TAGAP: variants seen among roughly 807,000 people sequenced by gnomAD.
The protein encoded by TAGAP is T cell activation RhoGTPase activating protein.
A neutral mutation model predicts 36.0 loss-of-function variants in TAGAP; 16 were observed. The ratio of observed to expected loss-of-function variants is 0.44; its 90% confidence interval spans 0.30 to 0.68. The LOEUF (loss-of-function observed/expected upper bound fraction) is 0.68. Ranked by LOEUF, TAGAP falls within the 30% of genes least tolerant of loss-of-function variation. The pLI is 0.09. For missense variants in TAGAP, 794 were observed against 921.5 expected (o/e 0.86, Z 1.79); for synonymous variants, 372 against 377.4 (o/e 0.99, Z 0.17).
Position 159,034,992 on chromosome 6 carries a change from T to C in TAGAP, c.*835A>G, listed in dbSNP as rs746045087. The C allele has an allele frequency of 2.3e-4, 35 of 152,456 alleles. No individual in the cohort carries two copies. Among genetic ancestry groups the C allele is most frequent in the African/African-American group, 7.7e-4 (32 of 41,566 alleles). The allele number at this position is 152,456 out of a possible 1,614,324, so 9.4% of individuals were successfully genotyped here. On this transcript the variant is annotated 3_prime_UTR_variant, in exon 10 of 10. Transcript: ENST00000367066. ...TTAACATGTCAATAAAAAAAGAACA[T>C]TTTTACTTTCAAATAAGGAAGGCAA... is the stretch of plus-strand genomic sequence containing the variant.
Position 159,037,838 on chromosome 6 carries a change from C to T in TAGAP, c.898+276G>A, listed in dbSNP as rs185323122. Reference sequence around the variant, plus strand: ...AAGTGGAAACAAAAGTTTCTCACTCCAACTCCAGAGCTAAAGGTAGCTTAG... The same window carrying T: ...AAGTGGAAACAAAAGTTTCTCACTCTAACTCCAGAGCTAAAGGTAGCTTAG... On this transcript the variant is annotated intron_variant, in intron 9 of 9. Transcript: ENST00000367066. This position sits in a 1 kb window ranked among gnomAD's most constrained non-coding sequence, Gnocchi z 5.1. Among the ~76,000 whole-genome samples, 29 of 152,246 alleles carry T rather than the reference C, an allele frequency of 1.9e-4. No homozygotes were observed. Among genetic ancestry groups the T allele is most frequent in the Middle Eastern group, 3.4e-3 (1 of 294 alleles).
chr6:159,043,881 CTT>C (rs1441937346), intron 3 of TAGAP, 95 bp downstream of exon 3: 4 of 1,169,838 alleles, frequency 3.4e-6, no homozygotes, highest in Non-Finnish European at 5.0e-6. Flanking sequence ...GTTTACTACT[CTT>C]ATAATTACTA....
Position 159,041,318 on chromosome 6 carries a change from T to A in TAGAP, c.477+36A>T. The A allele has an allele frequency of 1.2e-6, 2 of 1,607,384 alleles. No individual in the cohort carries two copies. The highest frequency in any genetic ancestry group is 1.7e-6 in the Non-Finnish European group (2 of 1,176,768). On this transcript the variant is annotated intron_variant, in intron 6 of 9. Transcript: ENST00000367066. The surrounding 1 kb of genome is among the most constrained non-coding windows in gnomAD (Gnocchi z 4.1). ...CTGAGAATGAGTGTGTCAGGGCCCC[T>A]TGGCAGGTTATTTGGCGCAAGTGTG... is the stretch of plus-strand genomic sequence containing the variant.
In TAGAP at chr6:159,035,955, C is replaced by G; in HGVS notation, c.2068G>C (p.Glu690Gln). 6.2e-7 allele frequency: 1 copy of G among 1,614,196 alleles called. No homozygotes were observed. The highest frequency in any genetic ancestry group is 8.5e-7 in the Non-Finnish European group (1 of 1,180,022). Reference protein sequence around the residue: ...LGHVSGPGRPELLPLRTVSES... With the variant: ...LGHVSGPGRPQLLPLRTVSES... ...GAGACGGTCCTCAGCGGGAGGAGCT[C>G]AGGTCTCCCTGGGCCAGACACGTGC... Residue 690 changes from glutamate (E) to glutamine (Q), a missense_variant, in exon 10 of 10, where the codon GAG becomes CAG. Coordinates refer to ENST00000367066, the MANE Select transcript of TAGAP (RefSeq NM_054114.5).
chr6:159,044,157 G>A lies in TAGAP; in HGVS notation c.-11C>T. 6.2e-7 allele frequency: 1 copy of A among 1,613,250 alleles called. No homozygotes were observed. The highest frequency in any genetic ancestry group is 8.5e-7 in the Non-Finnish European group (1 of 1,179,884). ...GCTTCTCAGCTTCATCAGTATTGCG[G>A]CTGACTGTCCAGGGGTGGATTTCAC... On this transcript the variant is annotated 5_prime_UTR_variant, in exon 2 of 10. Coordinates refer to ENST00000367066, the MANE Select transcript of TAGAP (RefSeq NM_054114.5).
At chr6:159,040,162 C>T (rs1043081062) in intron 7 of TAGAP, among the ~76,000 whole-genome samples, 1 of 152,184 alleles carries the variant, frequency 6.6e-6, no homozygotes, top group Non-Finnish European at 1.5e-5. Flanking sequence ...TCACACTTTC[C>T]ATTGCATATG....
chr6:159,044,365 G>A (rs956841887), intron 1 of TAGAP, among the ~76,000 whole-genome samples, 161 bp from the exon 2 acceptor site: 1 of 152,136 alleles, frequency 6.6e-6, no homozygotes, highest in Non-Finnish European at 1.5e-5. Flanking sequence ...ACATAGACAA[G>A]TTTTCATTTA....
chr6:159,036,631 C>A lies in TAGAP; in HGVS notation c.1392G>T (p.Ser464=). ...GCGAGCTGTCAGAGGACGCGTCCAGCGAGCTGCTGGAGAAGGCTTTGAGAA... is the reference window on the plus strand; with the variant it reads ...GCGAGCTGTCAGAGGACGCGTCCAGAGAGCTGCTGGAGAAGGCTTTGAGAA... ...ALVLKAFSSS[S]LDASSDSSPV... The change falls in exon 10 of 10, where the codon TCG becomes TCT. Residue 464 remains serine (S), a synonymous_variant. Coordinates refer to ENST00000367066, the MANE Select transcript of TAGAP (RefSeq NM_054114.5). The surrounding 1 kb of genome is among the most constrained non-coding windows in gnomAD (Gnocchi z 4.9). 1 of 1,614,092 alleles carries A rather than the reference C, an allele frequency of 6.2e-7. No individual in the cohort carries two copies. The highest frequency in any genetic ancestry group is 8.5e-7 in the Non-Finnish European group (1 of 1,179,988).
chr6:159,036,264 A>T lies in TAGAP; in HGVS notation c.1759T>A (p.Trp587Arg). Reference sequence around the variant, plus strand: ...GAGGGTGGGCTTCCAGGCCTCTCCCAGTCAGCTCCCTGGAACACATCATCC... The same window carrying T: ...GAGGGTGGGCTTCCAGGCCTCTCCCTGTCAGCTCCCTGGAACACATCATCC... ...SVDDVFQGAD[W>R]ERPGSPPSYE... The change falls in exon 10 of 10, where the codon TGG becomes AGG. Residue 587 changes from tryptophan to arginine, a missense_variant. By Grantham distance (101) the Trp-to-Arg change is moderately radical (BLOSUM62 -3). Coordinates refer to ENST00000367066, the MANE Select transcript of TAGAP (RefSeq NM_054114.5). The surrounding 1 kb of genome is among the most constrained non-coding windows in gnomAD (Gnocchi z 4.9). 6.2e-7 allele frequency: 1 copy of T among 1,612,550 alleles called. No homozygotes were observed. Among genetic ancestry groups the T allele is most frequent in the Non-Finnish European group, 8.5e-7 (1 of 1,179,940 alleles).
chr6:159,040,782 C>T lies in TAGAP; in HGVS notation c.528G>A (p.Glu176=). Residue 176 remains glutamate (E), a synonymous_variant, in exon 7 of 10, where the codon GAG becomes GAA. Coordinates refer to ENST00000367066, the MANE Select transcript of TAGAP (RefSeq NM_054114.5). ...GCATCTCCAGAGCACCCATCCACTC[C>T]TCAAAGAGGTCGCTTGAAAGTAGCT... ...PRKLLSSDLF[E]EWMGALEMQD... 6.2e-7 allele frequency: 1 copy of T among 1,614,200 alleles called. No homozygotes were observed. The highest frequency in any genetic ancestry group is 8.5e-7 in the Non-Finnish European group (1 of 1,180,014).
intron 4 of TAGAP, chr6:159,042,523 CTGTTTG>C (rs1484884465): frequency 2.3e-6 from 1 of 428,938 alleles, no homozygotes; most frequent in Non-Finnish European, 3.9e-6. Flanking sequence ...CTCTTTCCAG[CTGTTTG>C]CTACAGAAAA....
At position 159,035,086 on chromosome 6, in the gene TAGAP, A is replaced by G. The variant is rs1562582687; in HGVS notation, c.*741T>C. 1 of 152,374 alleles carries G rather than the reference A, an allele frequency of 6.6e-6. No homozygotes were observed. The highest frequency in any genetic ancestry group is 6.5e-5 in the Admixed American group (1 of 15,288). 9.4% of individuals were successfully genotyped at this position (152,374 alleles called of 1,614,324 possible). On this transcript the variant is annotated 3_prime_UTR_variant, in exon 10 of 10. Coordinates refer to ENST00000367066, the MANE Select transcript of TAGAP (RefSeq NM_054114.5). Reference sequence around the variant, plus strand: ...AATGCATATAAAATCATTTACCTCCACATTATAGGATAGGATATCATGAAC... The same window carrying G: ...AATGCATATAAAATCATTTACCTCCGCATTATAGGATAGGATATCATGAAC...
chr6:159,038,265 CTTTTTTTTT>C (rs559846736), intron 8 of TAGAP, 37 bp from the exon 9 acceptor site: 323 of 459,538 alleles, frequency 7.0e-4, no homozygotes, highest in Admixed American at 1.5e-3. Flanking sequence ...AGCTTGAAGA[CTTTTTTTTT>C]TTTTTTTTTT....
In TAGAP at chr6:159,041,417, G is replaced by A; in HGVS notation, c.414C>T (p.Leu138=). 1 of 1,614,158 alleles carries A rather than the reference G, an allele frequency of 6.2e-7. No individual in the cohort carries two copies. Among genetic ancestry groups the A allele is most frequent in the Non-Finnish European group, 8.5e-7 (1 of 1,180,016 alleles). ...EKARKELKEE[L]NSGDAVDLER... Reference sequence around the variant, plus strand: ...CCAGATCCACCGCATCCCCAGAGTTGAGCTCCTCCTTCAGCTCCTTACGGG... The same window carrying A: ...CCAGATCCACCGCATCCCCAGAGTTAAGCTCCTCCTTCAGCTCCTTACGGG... Residue 138 remains leucine (L), a synonymous_variant, in exon 6 of 10, where the codon CTC becomes CTT. Transcript: ENST00000367066. This position sits in a 1 kb window ranked among gnomAD's most constrained non-coding sequence, Gnocchi z 4.1.
Position 159,038,210 on chromosome 6 carries a change from A to G in TAGAP, c.802T>C (p.Phe268Leu), listed in dbSNP as rs754842183. 1.2e-6 allele frequency: 2 copies of G among 1,606,718 alleles called. No individual in the cohort carries two copies. The highest frequency in any genetic ancestry group is 1.7e-6 in the Non-Finnish European group (2 of 1,174,768). ...ATTTCAAAGCAGTTATCAATGAGGA[A>G]TTCCACCAGTGTCTTCACCTGTGAG... ...LNNKVKTLVE[F>L]LIDNCFEIFG... is the part of the protein sequence containing the mutation. The change falls in exon 9 of 10, where the codon TTC (phenylalanine) becomes CTC (leucine). Residue 268 changes from phenylalanine to leucine, a missense_variant. By Grantham distance (22) the Phe-to-Leu change is conservative. Transcript: ENST00000367066.
At position 159,036,400 on chromosome 6, in the gene TAGAP, C is replaced by G. The variant is rs758251988; in HGVS notation, c.1623G>C (p.Arg541Ser). The change falls in exon 10 of 10, where the codon AGG becomes AGC. Residue 541 changes from arginine to serine, a missense_variant. Transcript: ENST00000367066. The surrounding 1 kb of genome is among the most constrained non-coding windows in gnomAD (Gnocchi z 4.9). Reference protein sequence around the residue: ...SQDFTRDHVPRGVRKESQLAG... With the variant: ...SQDFTRDHVPSGVRKESQLAG... ...CAAGCTGGCTTTCCTTTCTGACACC[C>G]CTCGGGACGTGGTCCCTGGTAAAGT... 1.2e-5 allele frequency: 20 copies of G among 1,614,048 alleles called. No homozygotes were observed. The highest frequency in any genetic ancestry group is 1.7e-5 in the Admixed American group (1 of 60,004).
At position 159,035,879 on chromosome 6, in the gene TAGAP, T is replaced by A. The variant is rs922983390; in HGVS notation, c.2144A>T (p.Gln715Leu). Reference sequence around the variant, plus strand: ...GAATTGGTCAGCCTCAAAGACCGGCTGGCTACATCGTCGCACGAGACAGTC... The same window carrying A: ...GAATTGGTCAGCCTCAAAGACCGGCAGGCTACATCGTCGCACGAGACAGTC... ...KRDCLVRRCS[Q>L]PVFEADQFQY... The change falls in exon 10 of 10, where the codon CAG becomes CTG. Residue 715 changes from glutamine (Q) to leucine (L), a missense_variant. Coordinates refer to ENST00000367066, the MANE Select transcript of TAGAP (RefSeq NM_054114.5). 1.2e-6 allele frequency: 2 copies of A among 1,610,790 alleles called. No homozygotes were observed. Among genetic ancestry groups the A allele is most frequent in the African/African-American group, 2.7e-5 (2 of 74,882 alleles).
In TAGAP at chr6:159,041,395, G is replaced by A; in HGVS notation, c.436C>T (p.Leu146=). ...AGGAGGTGCACGGGGAGCCTCTCCAGATCCACCGCATCCCCAGAGTTGAGC... is the reference window on the plus strand; with the variant it reads ...AGGAGGTGCACGGGGAGCCTCTCCAAATCCACCGCATCCCCAGAGTTGAGC... The part of the protein sequence containing the change: ...EELNSGDAVD[L]ERLPVHLLAV... The change falls in exon 6 of 10, where the codon CTG becomes TTG. Residue 146 remains leucine (L), a synonymous_variant. Coordinates refer to ENST00000367066, the MANE Select transcript of TAGAP (RefSeq NM_054114.5). This position sits in a 1 kb window ranked among gnomAD's most constrained non-coding sequence, Gnocchi z 4.1. 1 of 1,614,112 alleles carries A rather than the reference G, an allele frequency of 6.2e-7. No individual in the cohort carries two copies. The highest frequency in any genetic ancestry group is 1.3e-5 in the African/African-American group (1 of 75,032).
chr6:159,043,579 T>A lies in TAGAP; in HGVS notation c.148+10A>T. ...CTTACATAAAAGATCGGTATGTTTT[T>A]AAAACTCACCAATGAGCTGGCAAAT... On this transcript the variant is annotated intron_variant, in intron 4 of 9. Coordinates refer to ENST00000367066, the MANE Select transcript of TAGAP (RefSeq NM_054114.5). 1 of 1,613,660 alleles carries A rather than the reference T, an allele frequency of 6.2e-7. No homozygotes were observed. Among genetic ancestry groups the A allele is most frequent in the Non-Finnish European group, 8.5e-7 (1 of 1,179,592 alleles).
Sources: allele counts gnomAD v4.1 joint callset (sites outside exome capture counted in the v4.1 genomes callset), GRCh38; gene constraint gnomAD v4.1.1; non-coding constraint Gnocchi (gnomAD v3.1); transcripts MANE v1.5; gene names NCBI Gene and HGNC (gene_info 2026-07-23, HGNC 2026-07-21).